ELANE: variants seen among roughly 807,000 people sequenced by gnomAD.
The protein encoded by ELANE is elastase, neutrophil expressed.
ELANE carries 12 observed loss-of-function variants against 20.6 expected under a neutral mutation model. That is an observed-to-expected ratio of 0.58 (90% CI 0.37 to 0.94). ELANE has a LOEUF of 0.94. Among genes scored for constraint, ELANE ranks in the 40% least tolerant of loss-of-function variants. The pLI is 0.01. For synonymous variants in ELANE, 203 were observed against 177.4 expected, an observed-to-expected ratio of 1.14 and a Z score of -1.15; for missense variants, 388 against 395.2, an observed-to-expected ratio of 0.98 and a Z score of 0.15.
At chr19:854,866 A>T (rs1040656355) in intron 3 of ELANE, among the ~76,000 whole-genome samples, 19 of 149,260 alleles carry the variant, frequency 1.3e-4, no homozygotes, top group South Asian at 6.3e-4. Flanking sequence ...ATATATATAT[A>T]TTTTTTGAGA....
At position 855,782 on chromosome 19, in the gene ELANE, C is replaced by G. The variant is rs777834651; in HGVS notation, c.585C>G (p.Ala195=). ...GCACTCTCGTGAGGGGCCGGCAGGC[C>G]GGCGTCTGTTTCGTACGTGCCCTGG... ...NVCTLVRGRQ[A]GVCFGDSGSP... The change falls in exon 4 of 5, where the codon GCC becomes GCG. Residue 195 remains alanine (A), a synonymous_variant. Coordinates refer to ENST00000263621, the MANE Select transcript of ELANE (RefSeq NM_001972.4). The surrounding 1 kb of genome is among the most constrained non-coding windows in gnomAD (Gnocchi z 6.2). The G allele has an allele frequency of 6.2e-7, 1 of 1,608,706 alleles. No individual in the cohort carries two copies. Among genetic ancestry groups the G allele is most frequent in the Non-Finnish European group, 8.5e-7 (1 of 1,179,942 alleles).
Position 855,773 on chromosome 19 carries a change from C to T in ELANE, c.576C>T (p.Gly192=). ...GCAACGTCTGCACTCTCGTGAGGGGCCGGCAGGCCGGCGTCTGTTTCGTAC... is the reference window on the plus strand; with the variant it reads ...GCAACGTCTGCACTCTCGTGAGGGGTCGGCAGGCCGGCGTCTGTTTCGTAC... ...RRSNVCTLVR[G]RQAGVCFGDS... Residue 192 remains glycine (G), a synonymous_variant, in exon 4 of 5, where the codon GGC becomes GGT. Coordinates refer to ENST00000263621, the MANE Select transcript of ELANE (RefSeq NM_001972.4). This position sits in a 1 kb window ranked among gnomAD's most constrained non-coding sequence, Gnocchi z 6.2. The T allele has an allele frequency of 6.2e-7, 1 of 1,608,714 alleles. No homozygotes were observed. The highest frequency in any genetic ancestry group is 8.5e-7 in the Non-Finnish European group (1 of 1,179,938).
chr19:856,027 T>A lies in ELANE; in HGVS notation c.667T>A (p.Cys223Ser). Residue 223 changes from cysteine to serine, a missense_variant, in exon 5 of 5, where the codon TGC becomes AGC. This residue lies in a region of ELANE where 321 missense variants were observed against 309.8 expected (regional missense o/e 1.04). Coordinates refer to ENST00000263621, the MANE Select transcript of ELANE (RefSeq NM_001972.4). ...AATTGCCTCCTTCGTCCGGGGAGGC[T>A]GCGCCTCAGGGCTCTACCCCGATGC... ...HGIASFVRGGCASGLYPDAFA... is the reference protein window; with the variant it reads ...HGIASFVRGGSASGLYPDAFA... 6.2e-7 allele frequency: 1 copy of A among 1,613,572 alleles called. No individual in the cohort carries two copies. The highest frequency in any genetic ancestry group is 8.5e-7 in the Non-Finnish European group (1 of 1,180,044).
intron 3 of ELANE, among the ~76,000 whole-genome samples, chr19:854,636 AAT>A (rs931527825): frequency 6.8e-5 from 10 of 147,794 alleles, no homozygotes; most frequent in Admixed American, 2.7e-4. Context: ...ACGTCTGGCT[AAT>A]ATATATATAT....
In ELANE at chr19:853,420, C is replaced by T. The variant is rs757090642; in HGVS notation, c.366+17C>T. On this transcript the variant is annotated intron_variant, in intron 3 of 4. Transcript: ENST00000263621. ...ATTCTCCAGGTGCCGCCGGGCGGGG[C>T]GGGGGGCGCAGGGGCGGAGGCCAGA... is the stretch of plus-strand genomic sequence containing the variant. 6.6e-7 allele frequency: 1 copy of T among 1,505,672 alleles called. No homozygotes were observed. Among genetic ancestry groups the T allele is most frequent in the South Asian group, 1.2e-5 (1 of 85,996 alleles). The allele number at this position is 1,505,672 out of a possible 1,614,324, so 93.3% of individuals were successfully genotyped here.
At position 853,249 on chromosome 19, in the gene ELANE, C is replaced by T. The variant is rs1303598792; in HGVS notation, c.225-13C>T. ...GGGGCCGCCCCTGAGCCCCGCCTCT[C>T]CCTCCCCGGCAGAAACGTCCGCGCG... On this transcript the variant is annotated splice_polypyrimidine_tract_variant and intron_variant, in intron 2 of 4. Transcript: ENST00000263621. The T allele has an allele frequency of 6.3e-7, 1 of 1,586,428 alleles. No homozygotes were observed. The highest frequency in any genetic ancestry group is 1.1e-5 in the South Asian group (1 of 87,794).
chr19:852,767 C>T, intron 1 of ELANE, 109 bp from the exon 2 acceptor site: 4 of 1,452,042 alleles, frequency 2.8e-6, no homozygotes, highest in Non-Finnish European at 3.6e-6. Flanking sequence ...CCCGTGGGTT[C>T]CCGGTGGGGG....
Position 852,409 on chromosome 19 carries a change from T to A in ELANE, c.67+14T>A. Reference sequence around the variant, plus strand: ...TGCTGCTGGGGGGTGAGTTTTTGAGTCCAACCTCCCGCTGCTCCCTCTGTC... The same window carrying A: ...TGCTGCTGGGGGGTGAGTTTTTGAGACCAACCTCCCGCTGCTCCCTCTGTC... On this transcript the variant is annotated intron_variant, in intron 1 of 4. Transcript: ENST00000263621. The A allele has an allele frequency of 3.7e-6, 6 of 1,609,278 alleles. No individual in the cohort carries two copies. Among genetic ancestry groups the A allele is most frequent in the Non-Finnish European group, 5.1e-6 (6 of 1,179,268 alleles).
Position 852,312 on chromosome 19 carries a change from G to C in ELANE, c.-17G>C, listed in dbSNP as rs780459492. 5.6e-6 allele frequency: 9 copies of C among 1,606,022 alleles called. No homozygotes were observed. The Admixed American group carries it at 1.5e-4, about 27-fold the overall frequency. Reference sequence around the variant, plus strand: ...GCGGGCACGGAGGGGCAGAGACCCCGGAGCCCCAGCCCCACCATGACCCTC... The same window carrying C: ...GCGGGCACGGAGGGGCAGAGACCCCCGAGCCCCAGCCCCACCATGACCCTC... On this transcript the variant is annotated 5_prime_UTR_variant, in exon 1 of 5. Transcript: ENST00000263621.
chr19:854,263 G>A (rs1480533290), intron 3 of ELANE, among the ~76,000 whole-genome samples: 1 of 151,774 alleles, frequency 6.6e-6, no homozygotes, highest in Non-Finnish European at 1.5e-5. Flanking sequence ...GCAACATAGT[G>A]AAACCCCGTC....
At position 855,788 on chromosome 19, in the gene ELANE, C is replaced by A. The variant is rs766574883; in HGVS notation, c.591C>A (p.Val197=). 3 of 1,608,580 alleles carry A rather than the reference C, an allele frequency of 1.9e-6. No individual in the cohort carries two copies. Among genetic ancestry groups the A allele is most frequent in the Non-Finnish European group, 2.5e-6 (3 of 1,179,942 alleles). Residue 197 remains valine, a synonymous_variant, in exon 4 of 5, where the codon GTC becomes GTA. Transcript: ENST00000263621. This position sits in a 1 kb window ranked among gnomAD's most constrained non-coding sequence, Gnocchi z 6.2. The part of the protein sequence containing the change: ...CTLVRGRQAG[V]CFGDSGSPLV... ...TCGTGAGGGGCCGGCAGGCCGGCGT[C>A]TGTTTCGTACGTGCCCTGGGTGTCC...
rs754743618 is a variant in ELANE, at chr19:855,620, G to C, written c.423G>C (p.Gln141His). 6.2e-7 allele frequency: 1 copy of C among 1,603,440 alleles called. No homozygotes were observed. Among genetic ancestry groups the C allele is most frequent in the Non-Finnish European group, 8.5e-7 (1 of 1,179,826 alleles). ...ANVQVAQLPA[Q>H]GRRLGNGVQC... ...TGCAGGTGGCCCAGCTGCCGGCTCA[G>C]GGACGCCGCCTGGGCAACGGGGTGC... The change falls in exon 4 of 5, where the codon CAG (glutamine) becomes CAC (histidine). Residue 141 changes from glutamine (Q) to histidine (H), a missense_variant. Physicochemically the swap from Gln to His is conservative, Grantham distance 24. Transcript: ENST00000263621. The surrounding 1 kb of genome is among the most constrained non-coding windows in gnomAD (Gnocchi z 6.2).
rs2145145223 is a variant in ELANE, at chr19:853,361, C to T, written c.324C>T (p.Gly108=). 1 of 1,611,542 alleles carries T rather than the reference C, an allele frequency of 6.2e-7. No individual in the cohort carries two copies. The highest frequency in any genetic ancestry group is 8.5e-7 in the Non-Finnish European group (1 of 1,179,186). ...VFAVQRIFEN[G]YDPVNLLNDI... ...CCGTGCAGCGCATCTTCGAAAACGG[C>T]TACGACCCCGTAAACTTGCTCAACG... The change falls in exon 3 of 5, where the codon GGC becomes GGT. Residue 108 remains glycine (G), a synonymous_variant. Coordinates refer to ENST00000263621, the MANE Select transcript of ELANE (RefSeq NM_001972.4).
rs2035659454 is a variant in ELANE at position 855,284 on chromosome 19, C to T, written c.367-280C>T. ...GGGCTTACAAGCATGAGCCACCGCG[C>T]CCGGCTGTAGTTTTTTTGTTAACTG... On this transcript the variant is annotated intron_variant, in intron 3 of 4. Coordinates refer to ENST00000263621, the MANE Select transcript of ELANE (RefSeq NM_001972.4). The surrounding 1 kb of genome is among the most constrained non-coding windows in gnomAD (Gnocchi z 6.2). 6.6e-6 allele frequency among the ~76,000 whole-genome samples: 1 copy of T among 152,180 alleles called. No homozygotes were observed. Among genetic ancestry groups the T allele is most frequent in the Admixed American group, 6.6e-5 (1 of 15,262 alleles).
rs1405655389 is a variant in ELANE at position 853,495 on chromosome 19, G to A, written c.366+92G>A. On this transcript the variant is annotated intron_variant, in intron 3 of 4. Coordinates refer to ENST00000263621, the MANE Select transcript of ELANE (RefSeq NM_001972.4). ...ACGGAGGGGCGCGTCGGGGCCGCTCGTGGGGACCTGGGGTGGCATCGTGGG... is the reference window on the plus strand; with the variant it reads ...ACGGAGGGGCGCGTCGGGGCCGCTCATGGGGACCTGGGGTGGCATCGTGGG... The A allele has an allele frequency of 4.1e-6, 6 of 1,450,224 alleles. No individual in the cohort carries two copies. In the South Asian group the frequency reaches 6.4e-5, roughly 15 times the overall value. 89.8% of individuals were successfully genotyped at this position (1,450,224 alleles called of 1,614,324 possible). A position where few individuals can be genotyped will look rare whatever the true frequency, so the allele number is the denominator to read the frequency against.
chr19:853,220 C>G, intron 2 of ELANE, 42 bp from the exon 3 acceptor site: 1 of 1,552,152 alleles, frequency 6.4e-7, no homozygotes, highest in Non-Finnish European at 8.7e-7. Context: ...GAGCCCCGAC[C>G]CCCGGGGCCG....
At chr19:854,859 T>C (rs2035652344) in intron 3 of ELANE, among the ~76,000 whole-genome samples, 1 of 147,948 alleles carries the variant, frequency 6.8e-6, no homozygotes, top group Admixed American at 6.8e-5. Context: ...TACACACATA[T>C]ATATATATTT....
At chr19:853,082 T>G in intron 2 of ELANE, 50 bp downstream of exon 2, 1 of 1,474,644 alleles carries the variant, frequency 6.8e-7, no homozygotes, top group African/African-American at 1.4e-5. Context: ...CGTCCCGGTC[T>G]GTGAGGTGGG....
chr19:854,907 G>A (rs113267234), intron 3 of ELANE, among the ~76,000 whole-genome samples: 6,013 of 150,850 alleles, frequency 0.04, 220 homozygotes, highest in African/African-American at 0.097. Flanking sequence ...AGGCTGGAGC[G>A]CAGTGGCACA....
Sources: gnomAD v4.1 joint callset for allele counts (sites outside exome capture counted in the v4.1 genomes callset) on GRCh38, gnomAD v4.1.1 for gene constraint, gnomAD v4.1.1 regional missense constraint, Gnocchi (gnomAD v3.1) non-coding constraint, MANE v1.5 for transcripts, NCBI Gene and HGNC (gene_info 2026-07-23, HGNC 2026-07-21) for gene names.